The following JDP2 variants were observed in gnomAD, a reference collection of about 807,000 sequenced individuals.
The protein encoded by JDP2 is progesterone receptor co-activator.
JDP2 carries 9 observed loss-of-function variants against 17.1 expected under a neutral mutation model. The ratio of observed to expected loss-of-function variants is 0.53; its 90% CI spans 0.32 to 0.92. JDP2 has a LOEUF of 0.92. Ranked by LOEUF, JDP2 falls within the 40% of genes least tolerant of loss-of-function variation. JDP2 has a pLI of 0.04. For missense variants in JDP2, 179 were observed against 220.0 expected (o/e 0.81, Z 1.18); for synonymous variants, 107 against 95.6 (o/e 1.12, Z -0.69).
chr14:75,468,397 C>T (rs566025364), intron 3 of JDP2, among the ~76,000 whole-genome samples: 4 of 152,094 alleles, frequency 2.6e-5, no homozygotes, highest in African/African-American at 4.8e-5. Flanking sequence ...CTTTGCTGGC[C>T]CTCGAATAAA....
Position 75,470,460 on chromosome 14 carries a change from C to G in JDP2, c.*985C>G, listed in dbSNP as rs555369660. On this transcript the variant is annotated 3_prime_UTR_variant, in exon 4 of 4. Coordinates refer to ENST00000651602, the MANE Select transcript of JDP2 (RefSeq NM_001135048.2). ...TAAACATTGCTCTTACTTACATAGC[C>G]GCCTTGCGTGGTGTCTGCCTGGGGA... The G allele has an allele frequency of 6.6e-6, 1 of 152,584 alleles. No homozygotes were observed. Among genetic ancestry groups the G allele is most frequent in the Non-Finnish European group, 1.5e-5 (1 of 68,098 alleles). 9.5% of individuals were successfully genotyped at this position (152,584 alleles called of 1,614,324 possible).
intron 2 of JDP2, among the ~76,000 whole-genome samples, chr14:75,459,191 C>T (rs1046256153): frequency 3.3e-5 from 5 of 152,146 alleles, no homozygotes; most frequent in Non-Finnish European, 4.4e-5. Context: ...CCCTCCTGGC[C>T]GAAGGGAGAT....
At chr14:75,469,147 G>T in intron 3 of JDP2, 143 bp from the exon 4 acceptor site, 1 of 684,336 alleles carries the variant, frequency 1.5e-6, no homozygotes, top group Non-Finnish European at 2.4e-6. Flanking sequence ...GTTAGCCAGG[G>T]GCTCAGTAGC....
chr14:75,429,723 T>A (rs1052838715), intron 1 of JDP2, among the ~76,000 whole-genome samples: 3 of 152,186 alleles, frequency 2.0e-5, no homozygotes, highest in Non-Finnish European at 4.4e-5. Context: ...AAGCAAAATC[T>A]ATTCTCACAC....
intron 2 of JDP2, among the ~76,000 whole-genome samples, chr14:75,449,588 A>G (rs1429048234): frequency 1.3e-5 from 2 of 152,080 alleles, no homozygotes; most frequent in Admixed American, 6.5e-5. Flanking sequence ...TCCTTTTCTC[A>G]TCTTTTGAAG....
At chr14:75,431,380 G>A (rs1884789605) in intron 1 of JDP2, among the ~76,000 whole-genome samples, 1 of 152,248 alleles carries the variant, frequency 6.6e-6, no homozygotes, top group South Asian at 2.1e-4. Context: ...GGATGGCTGT[G>A]CAGGGATCAC....
rs911668225 is a variant in JDP2, at chr14:75,469,731, G to A, written c.*256G>A. On this transcript the variant is annotated 3_prime_UTR_variant, in exon 4 of 4. Transcript: ENST00000651602. The stretch of plus-strand genomic sequence containing the variant: ...CCTCGGGTAGGGTTGTCCTGCCTGG[G>A]GCCCCACTTGAAGGAGGCAGGACAG... The A allele has an allele frequency of 1.1e-5, 5 of 458,078 alleles. No individual in the cohort carries two copies. The highest frequency in any genetic ancestry group is 3.8e-5 in the Admixed American group (1 of 26,434). 28.4% of individuals were successfully genotyped at this position (458,078 alleles called of 1,614,324 possible). A position where few individuals can be genotyped will look rare whatever the true frequency, so the allele number is the denominator to read the frequency against.
intron 1 of JDP2, among the ~76,000 whole-genome samples, chr14:75,434,556 C>T (rs887235191): frequency 6.6e-6 from 1 of 152,144 alleles, no homozygotes; most frequent in African/African-American, 2.4e-5. Context: ...GGGGCCCGTG[C>T]TCCCAGGGGG....
intron 2 of JDP2, among the ~76,000 whole-genome samples, chr14:75,456,147 A>C (rs1021503327): frequency 1.1e-4 from 17 of 152,348 alleles, no homozygotes; most frequent in African/African-American, 3.4e-4. Flanking sequence ...GAATTTTGAC[A>C]GATTCATAGT....
At chr14:75,456,863 C>G (rs1886132623) in intron 2 of JDP2, among the ~76,000 whole-genome samples, 1 of 152,080 alleles carries the variant, frequency 6.6e-6, no homozygotes, top group African/African-American at 2.4e-5. Flanking sequence ...AGCAGGCTGT[C>G]TGAGGAGGGG....
chr14:75,449,609 T>C (rs1460487989), intron 2 of JDP2, among the ~76,000 whole-genome samples: 1 of 152,198 alleles, frequency 6.6e-6, no homozygotes, highest in East Asian at 1.9e-4. Flanking sequence ...TGACTGTCAA[T>C]TGGACAAGAA....
chr14:75,443,730 T>C (rs1300058800), intron 2 of JDP2, among the ~76,000 whole-genome samples: 1 of 152,174 alleles, frequency 6.6e-6, no homozygotes, highest in Admixed American at 6.5e-5. Flanking sequence ...TCACACCCAC[T>C]GTTATCCTAG....
intron 1 of JDP2, among the ~76,000 whole-genome samples, chr14:75,433,263 T>C (rs1884900964): frequency 7.0e-6 from 1 of 141,918 alleles, no homozygotes; most frequent in East Asian, 2.2e-4. Context: ...ATCGCGGGTT[T>C]TGCCATTATG....
rs1234621526 is a variant in JDP2 at position 75,473,489 on chromosome 14, C to T, written c.*4014C>T. 1 of 152,216 alleles carries T rather than the reference C, an allele frequency of 6.6e-6. No homozygotes were observed. The highest frequency in any genetic ancestry group is 2.4e-5 in the African/African-American group (1 of 41,448). 9.4% of individuals were successfully genotyped at this position (152,216 alleles called of 1,614,324 possible). On this transcript the variant is annotated 3_prime_UTR_variant, in exon 4 of 4. Transcript: ENST00000651602. ...GTTTTCCTCCTAGTCTTGGGAGGAA[C>T]TCTAGCACAGGGGCAAAAGGAAATG...
chr14:75,461,600 A>G, intron 3 of JDP2, 70 bp downstream of exon 3: 3 of 1,203,146 alleles, frequency 2.5e-6, no homozygotes, highest in Non-Finnish European at 3.6e-6. Context: ...GGACCAGGAG[A>G]GGCCATCAGA....
At position 75,469,627 on chromosome 14, in the gene JDP2, T is replaced by A. The variant is rs1886732533; in HGVS notation, c.*152T>A. 1 of 691,992 alleles carries A rather than the reference T, an allele frequency of 1.4e-6. No individual in the cohort carries two copies. Among genetic ancestry groups the A allele is most frequent in the Admixed American group, 3.0e-5 (1 of 33,158 alleles). The allele number at this position is 691,992 out of a possible 1,614,324, so 42.9% of individuals were successfully genotyped here. A position where few individuals can be genotyped will look rare whatever the true frequency, so the allele number is the denominator to read the frequency against. On this transcript the variant is annotated 3_prime_UTR_variant, in exon 4 of 4. Transcript: ENST00000651602. ...AGCCAGCATCAGCCGAGCTTTTTTG[T>A]GAAACTCAGATCAGCCACCCAGGAG...
At chr14:75,465,794 C>T (rs17183622) in intron 3 of JDP2, among the ~76,000 whole-genome samples, 35,290 of 152,134 alleles carry the variant, frequency 0.23, 4,761 homozygotes, top group Middle Eastern at 0.39. Flanking sequence ...CTGCCTTTGC[C>T]GACCACAGTG....
At chr14:75,449,274 G>A (rs1360601815) in intron 2 of JDP2, among the ~76,000 whole-genome samples, 1 of 152,182 alleles carries the variant, frequency 6.6e-6, no homozygotes, top group Non-Finnish European at 1.5e-5. Context: ...TAATAAGATG[G>A]AACTTGAAAT....
intron 2 of JDP2, among the ~76,000 whole-genome samples, chr14:75,458,909 A>T (rs1271278218): frequency 6.6e-6 from 1 of 152,152 alleles, no homozygotes; most frequent in African/African-American, 2.4e-5. Flanking sequence ...GCAGGAGGGG[A>T]TGAACGTGGC....
Sources: allele counts gnomAD v4.1 joint callset (sites outside exome capture counted in the v4.1 genomes callset), GRCh38; gene constraint gnomAD v4.1.1; transcripts MANE v1.5; gene names NCBI Gene and HGNC (gene_info 2026-07-23, HGNC 2026-07-21).